Variants in CCSER1 observed in about 807,000 individuals in gnomAD.
CCSER1 encodes the protein coiled-coil serine rich protein 1.
CCSER1 carries 41 observed loss-of-function variants against 82.0 expected under a neutral mutation model. The observed-to-expected ratio is 0.50, with a 90% CI of 0.39 to 0.65. The LOEUF (loss-of-function observed/expected upper bound fraction) is 0.65, where lower values mean the gene tolerates loss of function less well. Ranked by LOEUF, CCSER1 falls within the 30% of genes least tolerant of loss-of-function variation. CCSER1 has a pLI of 0.00. For missense variants in CCSER1, 1,119 were observed against 1,064.2 expected (o/e 1.05, Z -0.72); for synonymous variants, 414 against 383.9 (o/e 1.08, Z -0.92).
intron 8 of CCSER1, among the ~76,000 whole-genome samples, chr4:90,877,796 C>T (rs1351895832): frequency 2.6e-5 from 4 of 151,734 alleles, no homozygotes; most frequent in Non-Finnish European, 5.9e-5. Flanking sequence ...ACATCAGTGG[C>T]ACTAAACCCA....
Position 90,798,763 on chromosome 4 carries a change from C to T in CCSER1, c.2011-16999C>T, listed in dbSNP as rs969649648. 9.2e-5 allele frequency among the ~76,000 whole-genome samples: 14 copies of T among 152,256 alleles called. 1 individual carries two copies. The South Asian group carries it at 2.9e-3, about 32-fold the overall frequency. On this transcript the variant is annotated intron_variant, in intron 7 of 10. Coordinates refer to ENST00000509176, the MANE Select transcript of CCSER1 (RefSeq NM_001145065.2). ...GATTTTAGGGGGTCACTGCTTAGCC[C>T]CCAACTCCTGGACTATGTGCTCTCA...
intron 10 of CCSER1, among the ~76,000 whole-genome samples, chr4:91,555,180 A>G (rs573108742): frequency 4.6e-5 from 7 of 151,154 alleles, no homozygotes; most frequent in Non-Finnish European, 1.0e-4. Flanking sequence ...AGCTATGCCA[A>G]TTTGCTGGTT....
chr4:90,571,146 C>T (rs1355208156), intron 5 of CCSER1, among the ~76,000 whole-genome samples: 9 of 152,122 alleles, frequency 5.9e-5, no homozygotes, highest in Admixed American at 5.2e-4. Flanking sequence ...GTAAATTAGT[C>T]CAGTCCCCGT....
At chr4:90,940,323 C>T (rs114255000) in intron 9 of CCSER1, among the ~76,000 whole-genome samples, 3,027 of 151,812 alleles carry the variant, frequency 0.02, 39 homozygotes, top group Non-Finnish European at 0.032. Flanking sequence ...TTATCCCTCC[C>T]TTCTCCTCCT....
At chr4:91,351,209 T>TA (rs1460144564) in intron 10 of CCSER1, among the ~76,000 whole-genome samples, 9 of 152,014 alleles carry the variant, frequency 5.9e-5, no homozygotes, top group African/African-American at 2.2e-4. Flanking sequence ...TATTATAAAA[T>TA]AAAGCTATTT....
intron 1 of CCSER1, among the ~76,000 whole-genome samples, chr4:90,240,740 G>GT (rs1451600361): frequency 9.9e-5 from 15 of 152,176 alleles, no homozygotes; most frequent in Admixed American, 2.0e-4. Context: ...TCTAAATGCC[G>GT]TAAGAATGTC....
In CCSER1 at chr4:91,424,174, G is replaced by A. The variant is rs535171723; in HGVS notation, c.2218-174398G>A. Among the ~76,000 whole-genome samples the A allele has an allele frequency of 8.6e-5, 13 of 150,946 alleles. No individual in the cohort carries two copies. In the East Asian group the frequency reaches 2.0e-3, roughly 23 times the overall value. On this transcript the variant is annotated intron_variant, in intron 10 of 10. Coordinates refer to ENST00000509176, the MANE Select transcript of CCSER1 (RefSeq NM_001145065.2). ...TGGGACTACAGGCGCCCGCCACCGC[G>A]CCCGGCTAATTTTTTTGTATTTTTA... is the stretch of plus-strand genomic sequence containing the variant.
intron 10 of CCSER1, among the ~76,000 whole-genome samples, chr4:91,345,252 G>A (rs1472723441): frequency 1.3e-5 from 2 of 152,096 alleles, no homozygotes; most frequent in African/African-American, 2.4e-5. Context: ...TTAGCCAGGA[G>A]TGAGGGCGGG....
intron 8 of CCSER1, chr4:90,918,224 T>A (rs1727805535): frequency 2.2e-6 from 1 of 455,118 alleles, no homozygotes; most frequent in African/African-American, 2.0e-5. Flanking sequence ...TTTCTTTTTA[T>A]TATAGATTCT....
chr4:90,538,566 T>C (rs1050506902), intron 5 of CCSER1, among the ~76,000 whole-genome samples: 6 of 152,154 alleles, frequency 3.9e-5, no homozygotes, highest in African/African-American at 1.4e-4. Context: ...GATTTGTTTC[T>C]CTCATAAACT....
chr4:91,597,859 G>C (rs1764656048), intron 10 of CCSER1, among the ~76,000 whole-genome samples: 1 of 152,068 alleles, frequency 6.6e-6, no homozygotes, highest in Non-Finnish European at 1.5e-5. Flanking sequence ...AGGAATATGG[G>C]TGCTAGCTTG....
intron 6 of CCSER1, among the ~76,000 whole-genome samples, chr4:90,685,647 T>G (rs1432420627): frequency 6.6e-6 from 1 of 152,144 alleles, no homozygotes; most frequent in Non-Finnish European, 1.5e-5. Context: ...TTCCATCAAT[T>G]TAGACAGTAA....
chr4:91,277,256 C>T (rs1156992149), intron 10 of CCSER1, among the ~76,000 whole-genome samples: 1 of 151,956 alleles, frequency 6.6e-6, no homozygotes, highest in South Asian at 2.1e-4. Flanking sequence ...TACATTTCAC[C>T]AGTGAAGCTA....
chr4:91,163,972 A>T (rs1731742840), intron 10 of CCSER1, among the ~76,000 whole-genome samples: 1 of 152,136 alleles, frequency 6.6e-6, no homozygotes, highest in Admixed American at 6.5e-5. Flanking sequence ...TCCTGTCATT[A>T]TGATGTTAGC....
At chr4:90,900,095 T>TTTTTTTTTG (rs1491493395) in intron 8 of CCSER1, among the ~76,000 whole-genome samples, 4 of 70,560 alleles carry the variant, frequency 5.7e-5, no homozygotes, top group South Asian at 3.5e-4. Flanking sequence ...GGTCCCAGAG[T>TTTTTTTTTG]TTTTTTTTTT....
chr4:90,182,196 T>G (rs1468461805), intron 1 of CCSER1, among the ~76,000 whole-genome samples: 1 of 152,326 alleles, frequency 6.6e-6, no homozygotes, highest in Non-Finnish European at 1.5e-5. Flanking sequence ...GAAATTGAAT[T>G]GCTTTTGTCT....
chr4:90,144,471 C>T (rs1485686236), intron 1 of CCSER1, among the ~76,000 whole-genome samples: 1 of 152,146 alleles, frequency 6.6e-6, no homozygotes, highest in Non-Finnish European at 1.5e-5. Flanking sequence ...CTGCGACTGC[C>T]TTGGATATAA....
intron 10 of CCSER1, among the ~76,000 whole-genome samples, chr4:91,273,536 T>G (rs940902639): frequency 2.6e-5 from 4 of 152,138 alleles, no homozygotes; most frequent in Non-Finnish European, 4.4e-5. Context: ...AGGAAAACAA[T>G]CATATCATCA....
chr4:91,531,289 C>A (rs1761017095), intron 10 of CCSER1, among the ~76,000 whole-genome samples: 1 of 152,086 alleles, frequency 6.6e-6, no homozygotes, highest in South Asian at 2.1e-4. Context: ...TGATTGTATT[C>A]ATCATATAAA....
Sources: gnomAD v4.1 joint callset for allele counts (sites outside exome capture counted in the v4.1 genomes callset) on GRCh38, gnomAD v4.1.1 for gene constraint, MANE v1.5 for transcripts, NCBI Gene and HGNC (gene_info 2026-07-23, HGNC 2026-07-21) for gene names.